The following CSMD1 variants were observed in gnomAD, a reference collection of about 807,000 sequenced individuals.
CSMD1 encodes CUB and sushi domain-containing protein 1.
A neutral mutation model predicts 417.5 loss-of-function variants in CSMD1; 213 were observed. The ratio of observed to expected loss-of-function variants is 0.51; its 90% confidence interval spans 0.46 to 0.57. CSMD1 has a LOEUF of 0.57. Among genes scored for constraint, CSMD1 ranks in the 20% least tolerant of loss-of-function variants. The pLI is 0.00. For synonymous variants in CSMD1, 2,862 were observed against 1,736.8 expected (o/e 1.65, Z -16.11); for missense variants, 6,923 against 4,529.7 (o/e 1.53, Z -15.17).
intron 2 of CSMD1, among the ~76,000 whole-genome samples, chr8:4,596,385 C>G (rs769738117): frequency 2.6e-5 from 4 of 152,112 alleles, no homozygotes; most frequent in African/African-American, 9.7e-5. Context: ...AAAATGATTT[C>G]TAGACTGAAT....
chr8:3,857,965 C>G (rs756248771), intron 5 of CSMD1, among the ~76,000 whole-genome samples: 2 of 152,224 alleles, frequency 1.3e-5, no homozygotes, highest in Non-Finnish European at 2.9e-5. Flanking sequence ...GGTGACTTCT[C>G]TGTATAAAAT....
chr8:4,804,801 G>A (rs920146217), intron 1 of CSMD1, among the ~76,000 whole-genome samples: 3 of 151,874 alleles, frequency 2.0e-5, no homozygotes, highest in Non-Finnish European at 4.4e-5. Context: ...TATTCCTAGG[G>A]GACCTAATAC....
At chr8:4,125,338 A>C (rs958235001) in intron 3 of CSMD1, among the ~76,000 whole-genome samples, 7 of 152,204 alleles carry the variant, frequency 4.6e-5, no homozygotes, top group Admixed American at 4.6e-4. Flanking sequence ...TAAAGAGCGC[A>C]ACTGTTTGTC....
intron 10 of CSMD1, chr8:3,515,202 GA>G (rs1458484353): frequency 6.6e-6 from 1 of 152,136 alleles, no homozygotes; most frequent in Non-Finnish European, 1.5e-5. Flanking sequence ...AAGATTTGAG[GA>G]AATTAAATGT....
At chr8:4,116,947 G>A in intron 3 of CSMD1, among the ~76,000 whole-genome samples, 1 of 152,146 alleles carries the variant, frequency 6.6e-6, no homozygotes, top group African/African-American at 2.4e-5. Flanking sequence ...TTTCCATGAA[G>A]TCTGAGAATC....
intron 10 of CSMD1, among the ~76,000 whole-genome samples, chr8:3,551,516 T>A (rs1249727566): frequency 2.0e-5 from 3 of 151,250 alleles, no homozygotes; most frequent in African/African-American, 7.3e-5. Flanking sequence ...ACCCTTTACG[T>A]CCCTAACCAC....
intron 2 of CSMD1, among the ~76,000 whole-genome samples, chr8:4,434,048 G>A (rs1198573364): frequency 2.6e-5 from 4 of 152,102 alleles, no homozygotes; most frequent in South Asian, 2.1e-4. Flanking sequence ...TAAATATCTG[G>A]ATCTAGGGGC....
intron 5 of CSMD1, among the ~76,000 whole-genome samples, chr8:3,776,653 C>T (rs1798901173): frequency 6.6e-6 from 1 of 152,068 alleles, no homozygotes; most frequent in Non-Finnish European, 1.5e-5. Flanking sequence ...CCTTCTTTCC[C>T]TCCTTCCCAC....
chr8:3,384,214 G>A (rs1039955672), intron 18 of CSMD1, among the ~76,000 whole-genome samples: 5 of 152,150 alleles, frequency 3.3e-5, no homozygotes, highest in South Asian at 2.1e-4. Context: ...TTAAAAAATG[G>A]TTGTCTGAGA....
intron 5 of CSMD1, among the ~76,000 whole-genome samples, chr8:3,849,358 G>C (rs1049406756): frequency 2.0e-5 from 3 of 152,094 alleles, no homozygotes; most frequent in African/African-American, 7.2e-5. Context: ...GAGAGGTGGG[G>C]TCCACTACCC....
At chr8:4,589,039 A>G (rs922553683) in intron 2 of CSMD1, among the ~76,000 whole-genome samples, 4 of 152,152 alleles carry the variant, frequency 2.6e-5, no homozygotes, top group Non-Finnish European at 4.4e-5. Flanking sequence ...CTACATGCAC[A>G]TTATATAATG....
At chr8:4,388,969 C>T (rs1376648899) in intron 3 of CSMD1, among the ~76,000 whole-genome samples, 1 of 152,208 alleles carries the variant, frequency 6.6e-6, no homozygotes, top group Non-Finnish European at 1.5e-5. Context: ...TTACCTCACA[C>T]ACTTGTAACA....
In CSMD1 at chr8:2,990,167, T is replaced by G. The variant is rs541298877; in HGVS notation, c.8377+7844A>C. ...GTCACACAAGGAAGAGAAAAGAGTTTGATTAAAGCTGTTGAATCTTTCCTT... is the reference window on the plus strand; with the variant it reads ...GTCACACAAGGAAGAGAAAAGAGTTGGATTAAAGCTGTTGAATCTTTCCTT... On this transcript the variant is annotated intron_variant, in intron 54 of 69. Coordinates refer to ENST00000635120, the MANE Select transcript of CSMD1 (RefSeq NM_033225.6). Among the ~76,000 whole-genome samples the G allele has an allele frequency of 4.6e-5, 7 of 152,360 alleles. No individual in the cohort carries two copies. In the East Asian group the frequency reaches 1.4e-3, roughly 29 times the overall value.
At chr8:2,957,633 C>A in intron 63 of CSMD1, 63 bp downstream of exon 63, 2 of 1,051,938 alleles carry the variant, frequency 1.9e-6, no homozygotes. Context: ...TAGTGGTAAA[C>A]ACGTCTCAGA....
chr8:4,693,763 A>G (rs1806931639), intron 1 of CSMD1, among the ~76,000 whole-genome samples: 1 of 19,334 alleles, frequency 5.2e-5, no homozygotes, highest in Admixed American at 7.0e-4. Context: ...TACAGCCCCA[A>G]ATTCCTAGGC....
At chr8:4,171,847 T>C (rs1179058919) in intron 3 of CSMD1, among the ~76,000 whole-genome samples, 1 of 152,204 alleles carries the variant, frequency 6.6e-6, no homozygotes, top group Non-Finnish European at 1.5e-5. Context: ...AAATGCCCAT[T>C]ATGTGTGATT....
At chr8:2,967,802 T>G (rs1171779698) in intron 57 of CSMD1, among the ~76,000 whole-genome samples, 1 of 152,104 alleles carries the variant, frequency 6.6e-6, no homozygotes, top group Non-Finnish European at 1.5e-5. Flanking sequence ...TCCTGCAAAA[T>G]TTGCTCAGCA....
chr8:4,054,116 C>T (rs1013821474), intron 3 of CSMD1, among the ~76,000 whole-genome samples: 2 of 152,138 alleles, frequency 1.3e-5, no homozygotes, highest in Non-Finnish European at 2.9e-5. Context: ...GGTCTCTAAG[C>T]AGCCATTCTC....
At chr8:4,318,400 T>G (rs553023007) in intron 3 of CSMD1, among the ~76,000 whole-genome samples, 43 of 152,134 alleles carry the variant, frequency 2.8e-4, no homozygotes, top group Non-Finnish European at 4.7e-4. Flanking sequence ...TTTGCGCATT[T>G]TAGTTTCTGT....
Sources: allele counts gnomAD v4.1 joint callset (sites outside exome capture counted in the v4.1 genomes callset), GRCh38; gene constraint gnomAD v4.1.1; transcripts MANE v1.5; gene names NCBI Gene and HGNC (gene_info 2026-07-23, HGNC 2026-07-21).